Variants in IL1RAPL2 observed in about 807,000 individuals in gnomAD.
IL1RAPL2 encodes X-linked interleukin-1 receptor accessory protein-like 2.
Under a neutral mutation model 44.1 loss-of-function variants are expected in IL1RAPL2, and 3 were observed. That is an observed-to-expected ratio of 0.07 (90% confidence interval 0.03 to 0.18). The LOEUF is 0.18. Ranked by LOEUF, IL1RAPL2 falls within the 10% of genes least tolerant of loss-of-function variation. IL1RAPL2 has a pLI of 1.00. For missense variants in IL1RAPL2, 391 were observed against 496.4 expected, an observed-to-expected ratio of 0.79 and a Z score of 2.02; for synonymous variants, 181 against 178.8, an observed-to-expected ratio of 1.01 and a Z score of -0.10.
intron 2 of IL1RAPL2, among the ~76,000 whole-genome samples, chrX:105,043,203 A>C (rs1043873671): frequency 5.5e-5 from 6 of 109,599 alleles, no homozygotes; most frequent in African/African-American, 1.0e-4. Flanking sequence ...CATTGTGCAC[A>C]TGTACCCTAA....
At chrX:105,359,769 C>A (rs2035234200) in intron 5 of IL1RAPL2, among the ~76,000 whole-genome samples, 1 of 32,507 alleles carries the variant, frequency 3.1e-5, no homozygotes, top group Non-Finnish European at 1.6e-4. Context: ...AATAATAATA[C>A]ATTTAGTAAT....
At chrX:104,916,830 G>A (rs1435679300) in intron 2 of IL1RAPL2, among the ~76,000 whole-genome samples, 1 of 111,337 alleles carries the variant, frequency 9.0e-6, no homozygotes, top group Non-Finnish European at 1.9e-5. Flanking sequence ...AGATAATCAG[G>A]TGGTTTTTGT....
chrX:105,582,110 T>TA (rs2147814698), intron 6 of IL1RAPL2, among the ~76,000 whole-genome samples: 1 of 111,807 alleles, frequency 8.9e-6, no homozygotes, highest in East Asian at 2.8e-4. Context: ...TTACACACAA[T>TA]AAAATTCACG....
chrX:104,844,170 T>C (rs1451693838), intron 2 of IL1RAPL2, among the ~76,000 whole-genome samples: 2 of 110,999 alleles, frequency 1.8e-5, no homozygotes, highest in Non-Finnish European at 3.8e-5. Flanking sequence ...TTAATTCCTT[T>C]CTTTTCTGGA....
chrX:105,081,957 C>G (rs756911950), intron 2 of IL1RAPL2, among the ~76,000 whole-genome samples: 1 of 111,540 alleles, frequency 9.0e-6, no homozygotes, highest in Non-Finnish European at 1.9e-5. Context: ...ATGTCTCCGC[C>G]AGGTTTTGGC....
At chrX:105,035,492 A>C (rs2031612509) in intron 2 of IL1RAPL2, among the ~76,000 whole-genome samples, 1 of 112,317 alleles carries the variant, frequency 8.9e-6, no homozygotes, top group East Asian at 2.8e-4. Flanking sequence ...TTGGGGAAAT[A>C]CTGTAAGCCA....
chrX:104,977,861 G>A (rs1981297473), intron 2 of IL1RAPL2, among the ~76,000 whole-genome samples: 1 of 111,998 alleles, frequency 8.9e-6, no homozygotes, highest in Non-Finnish European at 1.9e-5. Flanking sequence ...CAAATTAAGG[G>A]GTAGATTATG....
At chrX:105,704,923 T>C (rs1171430258) in intron 6 of IL1RAPL2, among the ~76,000 whole-genome samples, 2 of 111,636 alleles carry the variant, frequency 1.8e-5, no homozygotes, top group Non-Finnish European at 3.8e-5. Context: ...CTATATACCA[T>C]GTAACCAAGT....
chrX:104,767,538 T>C (rs1373488788), intron 2 of IL1RAPL2, among the ~76,000 whole-genome samples: 1 of 111,601 alleles, frequency 9.0e-6, no homozygotes, highest in African/African-American at 3.3e-5. Context: ...AAACATCTGC[T>C]TGCAATGAGC....
intron 6 of IL1RAPL2, among the ~76,000 whole-genome samples, chrX:105,610,285 TA>T (rs1330268630): frequency 8.9e-6 from 1 of 112,166 alleles, no homozygotes; most frequent in Non-Finnish European, 1.9e-5. Flanking sequence ...GGGTATCTTT[TA>T]AAGCCATTTT....
At chrX:104,620,483 A>G (rs1177685616) in intron 1 of IL1RAPL2, among the ~76,000 whole-genome samples, 5 of 106,993 alleles carry the variant, frequency 4.7e-5, no homozygotes, top group African/African-American at 1.7e-4. Flanking sequence ...ACTAAAAAAT[A>G]CAAAAGATTA....
intron 2 of IL1RAPL2, among the ~76,000 whole-genome samples, chrX:104,919,694 CTTTT>C (rs56245942): frequency 1.3e-3 from 116 of 92,110 alleles, no homozygotes; most frequent in African/African-American, 1.8e-3. Flanking sequence ...ACCACACCCA[CTTTT>C]TTTTTTTTTT....
chrX:104,844,324 C>T (rs1029840365), intron 2 of IL1RAPL2, among the ~76,000 whole-genome samples: 1 of 111,256 alleles, frequency 9.0e-6, no homozygotes, highest in African/African-American at 3.3e-5. Flanking sequence ...AAGTAAGTAC[C>T]ATGGGTCATT....
intron 2 of IL1RAPL2, among the ~76,000 whole-genome samples, chrX:104,771,989 A>T (rs962296303): frequency 8.9e-6 from 1 of 111,983 alleles, no homozygotes; most frequent in Non-Finnish European, 1.9e-5. Flanking sequence ...CAGGGTACAT[A>T]TATCCCCATT....
chrX:105,046,782 T>C (rs2031842847), intron 2 of IL1RAPL2, among the ~76,000 whole-genome samples: 1 of 108,350 alleles, frequency 9.2e-6, no homozygotes, highest in African/African-American at 3.4e-5. Flanking sequence ...TTCATTGTCC[T>C]TTCTCTACAT....
intron 1 of IL1RAPL2, among the ~76,000 whole-genome samples, chrX:104,593,364 G>A (rs1302452227): frequency 9.0e-6 from 1 of 111,663 alleles, no homozygotes; most frequent in African/African-American, 3.3e-5. Context: ...AATATTTTGG[G>A]GAGAAACCAT....
chrX:104,914,813 G>A lies in IL1RAPL2; in HGVS notation c.82+255818G>A, dbSNP rs771745416. 3.4e-3 allele frequency among the ~76,000 whole-genome samples: 380 copies of A among 110,562 alleles called. 2 individuals carry two copies. Among genetic ancestry groups the A allele is most frequent in the African/African-American group, 0.012 (356 of 30,187 alleles). The stretch of plus-strand genomic sequence containing the variant: ...TCCCATCTATGAGTGAGAACATGCG[G>A]TGTTTGGTTTTTTGTCCTTGCCGTA... On this transcript the variant is annotated intron_variant, in intron 2 of 10. Transcript: ENST00000372582.
chrX:104,660,640 C>CAT (rs1555978256), intron 2 of IL1RAPL2, among the ~76,000 whole-genome samples: 1 of 101,612 alleles, frequency 9.8e-6, no homozygotes, highest in Non-Finnish European at 2.0e-5. Context: ...CACACACACA[C>CAT]ATACACATAT....
At chrX:105,263,382 AT>A (rs2034375814) in intron 4 of IL1RAPL2, among the ~76,000 whole-genome samples, 1 of 111,603 alleles carries the variant, frequency 9.0e-6, no homozygotes, top group African/African-American at 3.3e-5. Flanking sequence ...ATTGAAATCA[AT>A]CTTCCTGATG....
Sources: gnomAD v4.1 joint callset for allele counts (sites outside exome capture counted in the v4.1 genomes callset) on GRCh38, gnomAD v4.1.1 for gene constraint, MANE v1.5 for transcripts, NCBI Gene and HGNC (gene_info 2026-07-23, HGNC 2026-07-21) for gene names.